Variants in KCNIP4 observed in about 807,000 individuals in gnomAD.
KCNIP4 encodes Kv channel-interacting protein 4.
Under a neutral mutation model 34.0 loss-of-function variants are expected in KCNIP4, and 12 were observed. The observed-to-expected ratio is 0.35, with a 90% CI of 0.23 to 0.57. KCNIP4 has a LOEUF of 0.57. Among genes scored for constraint, KCNIP4 ranks in the 20% least tolerant of loss-of-function variants. KCNIP4 has a pLI of 0.83. For synonymous variants in KCNIP4, 124 were observed against 102.2 expected (o/e 1.21, Z -1.29); for missense variants, 238 against 311.7 (o/e 0.76, Z 1.78).
intron 1 of KCNIP4, among the ~76,000 whole-genome samples, chr4:21,208,939 T>C (rs1321421394): frequency 6.6e-6 from 1 of 151,906 alleles, no homozygotes; most frequent in African/African-American, 2.4e-5. Context: ...AACCATCAGA[T>C]CTCATAAGAA....
chr4:21,150,733 C>T (rs1752695892), intron 1 of KCNIP4, among the ~76,000 whole-genome samples: 1 of 152,074 alleles, frequency 6.6e-6, no homozygotes, highest in African/African-American at 2.4e-5. Flanking sequence ...ATTTACTAGC[C>T]CCACATTCTG....
intron 1 of KCNIP4, among the ~76,000 whole-genome samples, chr4:21,457,536 A>G (rs1172457462): frequency 1.3e-5 from 2 of 151,992 alleles, no homozygotes; most frequent in East Asian, 1.9e-4. Context: ...TCTTAATAAC[A>G]TAGCTCTTCT....
intron 3 of KCNIP4, among the ~76,000 whole-genome samples, chr4:20,787,350 C>A (rs566778914): frequency 6.6e-6 from 1 of 152,228 alleles, no homozygotes; most frequent in South Asian, 2.1e-4. Flanking sequence ...TTTATTTGAG[C>A]ACTTTGGAGT....
chr4:21,357,885 C>T (rs545779982), intron 1 of KCNIP4, among the ~76,000 whole-genome samples: 1 of 152,188 alleles, frequency 6.6e-6, no homozygotes, highest in Non-Finnish European at 1.5e-5. Context: ...TTTATTGTGG[C>T]ACTATTCACA....
intron 1 of KCNIP4, among the ~76,000 whole-genome samples, chr4:21,386,391 T>C (rs1577278715): frequency 6.6e-6 from 1 of 152,180 alleles, no homozygotes; most frequent in East Asian, 1.9e-4. Context: ...CTGTTTATAT[T>C]CCAACCAGAT....
chr4:21,500,014 T>G (rs976184521), intron 1 of KCNIP4, among the ~76,000 whole-genome samples: 2 of 152,130 alleles, frequency 1.3e-5, no homozygotes, highest in Non-Finnish European at 2.9e-5. Flanking sequence ...GCAAGTAGAA[T>G]TTACAACTTC....
chr4:21,844,463 T>G (rs1723884125), intron 1 of KCNIP4: 1 of 152,056 alleles, frequency 6.6e-6, no homozygotes, highest in African/African-American at 2.4e-5. Context: ...AACTCCAAAA[T>G]ATGGAATTAC....
intron 1 of KCNIP4, among the ~76,000 whole-genome samples, chr4:21,673,578 C>A (rs1286206319): frequency 3.3e-5 from 5 of 152,006 alleles, no homozygotes; most frequent in Non-Finnish European, 5.9e-5. Context: ...TTCCAAATCC[C>A]ACTTTCTAGA....
intron 1 of KCNIP4, among the ~76,000 whole-genome samples, chr4:21,755,202 T>A (rs923724207): frequency 1.3e-5 from 2 of 152,152 alleles, no homozygotes; most frequent in Non-Finnish European, 2.9e-5. Context: ...ATGGATAGGC[T>A]GTCTCTGCCA....
intron 1 of KCNIP4, chr4:21,852,348 C>G (rs1342685717): frequency 1.3e-5 from 2 of 152,160 alleles, no homozygotes; most frequent in African/African-American, 2.4e-5. Context: ...AGGCAACTCA[C>G]AATCTCTGCT....
chr4:21,440,388 T>C (rs1052332740), intron 1 of KCNIP4, among the ~76,000 whole-genome samples: 2 of 152,224 alleles, frequency 1.3e-5, no homozygotes, highest in Non-Finnish European at 2.9e-5. Flanking sequence ...AAGCTATCAA[T>C]TGTCATCTAA....
intron 1 of KCNIP4, among the ~76,000 whole-genome samples, chr4:20,966,042 AC>A (rs1734310685): frequency 6.6e-6 from 1 of 152,210 alleles, no homozygotes; most frequent in Admixed American, 6.5e-5. Context: ...GTTAACTCTG[AC>A]TTTTCACTCA....
intron 1 of KCNIP4, among the ~76,000 whole-genome samples, chr4:20,976,932 C>A (rs762553708): frequency 6.6e-5 from 10 of 152,056 alleles, no homozygotes; most frequent in Non-Finnish European, 1.3e-4. Context: ...CTCCTGGGTT[C>A]AAGCGATTCT....
intron 1 of KCNIP4, among the ~76,000 whole-genome samples, chr4:21,339,289 T>C (rs192278780): frequency 1.3e-5 from 2 of 152,302 alleles, no homozygotes; most frequent in African/African-American, 2.4e-5. Context: ...AAGGCAATTG[T>C]TTCAGAGAAA....
At chr4:21,222,402 T>C (rs1220062937) in intron 1 of KCNIP4, among the ~76,000 whole-genome samples, 1 of 152,130 alleles carries the variant, frequency 6.6e-6, no homozygotes, top group East Asian at 1.9e-4. Flanking sequence ...TCATAGCTGA[T>C]TGAGAAAATT....
intron 1 of KCNIP4, among the ~76,000 whole-genome samples, chr4:21,647,047 T>C (rs1747073127): frequency 6.6e-6 from 1 of 152,126 alleles, no homozygotes; most frequent in Non-Finnish European, 1.5e-5. Context: ...AGAATGGTGA[T>C]TTGAGGGTGC....
At chr4:21,666,958 A>C (rs1286746224) in intron 1 of KCNIP4, among the ~76,000 whole-genome samples, 1 of 152,234 alleles carries the variant, frequency 6.6e-6, no homozygotes, top group Non-Finnish European at 1.5e-5. Flanking sequence ...AAGAAGTAGA[A>C]GGAGAAATAG....
intron 1 of KCNIP4, among the ~76,000 whole-genome samples, chr4:21,585,068 T>C (rs1183180841): frequency 1.3e-5 from 2 of 152,080 alleles, no homozygotes; most frequent in South Asian, 4.1e-4. Context: ...TTGCCAAATA[T>C]AGTTGTTTCA....
At chr4:21,847,759 CCTT>C (rs1724114588) in intron 1 of KCNIP4, 1 of 152,108 alleles carries the variant, frequency 6.6e-6, no homozygotes. Context: ...AAATATTTCA[CCTT>C]TTTTTATCTT....
Sources: allele counts gnomAD v4.1 joint callset (sites outside exome capture counted in the v4.1 genomes callset), GRCh38; gene constraint gnomAD v4.1.1; transcripts MANE v1.5; gene names NCBI Gene and HGNC (gene_info 2026-07-23, HGNC 2026-07-21).